The following MB21D2 variants were observed in gnomAD, a reference collection of about 807,000 sequenced individuals.
The protein encoded by MB21D2 is Mab-21 domain containing 2.
Under a neutral mutation model 33.3 loss-of-function variants are expected in MB21D2, and 9 were observed. That is an observed-to-expected ratio of 0.27 (90% CI 0.16 to 0.47). The LOEUF is 0.47. MB21D2 is among the 20% of genes least tolerant of loss of function. The pLI, the probability that MB21D2 is intolerant of heterozygous loss-of-function variation, is 0.99. For synonymous variants in MB21D2, 241 were observed against 236.3 expected (o/e 1.02, Z -0.18); for missense variants, 540 against 624.6 (o/e 0.86, Z 1.44).
rs35712980 is a variant in MB21D2 at position 192,834,421 on chromosome 3, CAAA to C, written c.212-34774_212-34772del. Among the ~76,000 whole-genome samples the C allele has an allele frequency of 4.0e-3, 509 of 127,076 alleles. 3 individuals are homozygous for C. Among genetic ancestry groups the C allele is most frequent in the Middle Eastern group, 8.3e-3 (2 of 240 alleles). 83.4% of individuals were successfully genotyped at this position (127,076 alleles called of 152,430 possible). ...AGGAAGTAATTTTCCCCAGTTATAT[CAAA>C]AAAAAAAAAAAAAAAGAAGAAGAAA... On this transcript the variant is annotated intron_variant, in intron 1 of 1. Transcript: ENST00000392452.
intron 1 of MB21D2, among the ~76,000 whole-genome samples, chr3:192,846,379 G>C (rs569528416): frequency 6.6e-6 from 1 of 152,216 alleles, no homozygotes; most frequent in South Asian, 2.1e-4. Flanking sequence ...TTATTTCAAT[G>C]AATCTTCATA....
chr3:192,916,095 G>GTT (rs997873626), intron 1 of MB21D2, among the ~76,000 whole-genome samples: 5 of 102,576 alleles, frequency 4.9e-5, no homozygotes, highest in African/African-American at 2.0e-4. Context: ...CTCCTACCAG[G>GTT]TTTTATATAT....
intron 1 of MB21D2, among the ~76,000 whole-genome samples, chr3:192,820,512 C>T (rs556062371): frequency 1.3e-4 from 20 of 152,360 alleles, no homozygotes; most frequent in African/African-American, 4.8e-4. Context: ...CAGCCAGTCT[C>T]TGGGCAATGA....
At chr3:192,862,757 G>T (rs756271802) in intron 1 of MB21D2, among the ~76,000 whole-genome samples, 1 of 152,174 alleles carries the variant, frequency 6.6e-6, no homozygotes, top group South Asian at 2.1e-4. Context: ...TGGCTGCTGC[G>T]GTCCATTTGG....
chr3:192,850,483 G>C (rs1712775534), intron 1 of MB21D2, among the ~76,000 whole-genome samples: 1 of 152,250 alleles, frequency 6.6e-6, no homozygotes, highest in South Asian at 2.1e-4. Flanking sequence ...GTCATTCATC[G>C]CATGTGTGGT....
intron 1 of MB21D2, among the ~76,000 whole-genome samples, chr3:192,813,701 T>C (rs1711843480): frequency 6.6e-6 from 1 of 152,132 alleles, no homozygotes; most frequent in Admixed American, 6.5e-5. Flanking sequence ...TCCACCTAGT[T>C]CTCCGGCCTA....
At chr3:192,908,970 A>G (rs1242071045) in intron 1 of MB21D2, among the ~76,000 whole-genome samples, 1 of 151,842 alleles carries the variant, frequency 6.6e-6, no homozygotes, top group African/African-American at 2.4e-5. Flanking sequence ...AAAATACAAA[A>G]TGCGGCCGGG....
chr3:192,875,993 G>A (rs948611085), intron 1 of MB21D2, among the ~76,000 whole-genome samples: 4 of 152,106 alleles, frequency 2.6e-5, no homozygotes, highest in African/African-American at 7.2e-5. Flanking sequence ...ATGTACCTAT[G>A]TGCCCCTAAG....
intron 1 of MB21D2, among the ~76,000 whole-genome samples, chr3:192,908,936 A>T (rs567233611): frequency 2.4e-4 from 36 of 152,254 alleles, no homozygotes; most frequent in African/African-American, 7.2e-4. Context: ...AACATCACAC[A>T]GGATTTCCAA....
intron 1 of MB21D2, among the ~76,000 whole-genome samples, chr3:192,892,220 C>T (rs1194640536): frequency 6.6e-6 from 1 of 152,232 alleles, no homozygotes; most frequent in Non-Finnish European, 1.5e-5. Context: ...CTTCAGCTCC[C>T]AACGTGCTTT....
chr3:192,809,421 A>T (rs756321436), intron 1 of MB21D2, among the ~76,000 whole-genome samples: 5 of 152,150 alleles, frequency 3.3e-5, no homozygotes, highest in Non-Finnish European at 7.4e-5. Context: ...CAGATAAGGA[A>T]ATTAAGAAAA....
At chr3:192,911,386 T>C (rs773659854) in intron 1 of MB21D2, among the ~76,000 whole-genome samples, 1 of 152,186 alleles carries the variant, frequency 6.6e-6, no homozygotes, top group Non-Finnish European at 1.5e-5. Context: ...CACTATTACT[T>C]TCCAGGAGCA....
intron 1 of MB21D2, among the ~76,000 whole-genome samples, chr3:192,879,200 A>C (rs1345668083): frequency 6.6e-6 from 1 of 152,230 alleles, no homozygotes; most frequent in Non-Finnish European, 1.5e-5. Flanking sequence ...GGCTAGAAGG[A>C]AAGCTCAAAA....
At chr3:192,903,105 CAG>C (rs1454679247) in intron 1 of MB21D2, among the ~76,000 whole-genome samples, 1 of 152,204 alleles carries the variant, frequency 6.6e-6, no homozygotes, top group South Asian at 2.1e-4. Flanking sequence ...GGCTTTGTAA[CAG>C]GGGAAATTTT....
chr3:192,853,018 A>ATC (rs982907193), intron 1 of MB21D2, among the ~76,000 whole-genome samples: 1 of 132,668 alleles, frequency 7.5e-6, no homozygotes, highest in Non-Finnish European at 1.6e-5. Context: ...GTTTTCAGTT[A>ATC]TCTCTCTCTG....
rs527897846 is a variant in MB21D2 at position 192,882,929 on chromosome 3, T to C, written c.211+34701A>G. On this transcript the variant is annotated intron_variant, in intron 1 of 1. Coordinates refer to ENST00000392452, the MANE Select transcript of MB21D2 (RefSeq NM_178496.4). ...TGCATTTTTAGTAGAGATGGGGCTT[T>C]GCCATGTTGGCCAGGCTGGTCTCGA... Among the ~76,000 whole-genome samples the C allele has an allele frequency of 7.8e-4, 118 of 151,966 alleles. 1 individual carries two copies. The highest frequency in any genetic ancestry group is 2.6e-3 in the African/African-American group (109 of 41,366).
intron 1 of MB21D2, among the ~76,000 whole-genome samples, chr3:192,836,316 T>C (rs1197261803): frequency 2.6e-5 from 4 of 152,286 alleles, no homozygotes; most frequent in Non-Finnish European, 4.4e-5. Context: ...CCCCAAGCCA[T>C]TGCGTCACCC....
Position 192,798,036 on chromosome 3 carries a change from T to C in MB21D2, c.*350A>G, listed in dbSNP as rs541797877. ...GTTAAGCATCAGAAAGAGATTTGTTTCCCCATACCCATGAACAAATTTGCA... is the reference window on the plus strand; with the variant it reads ...GTTAAGCATCAGAAAGAGATTTGTTCCCCCATACCCATGAACAAATTTGCA... On this transcript the variant is annotated 3_prime_UTR_variant, in exon 2 of 2. Coordinates refer to ENST00000392452, the MANE Select transcript of MB21D2 (RefSeq NM_178496.4). The surrounding 1 kb of genome is among the most constrained non-coding windows in gnomAD (Gnocchi z 4.8). The C allele has an allele frequency of 1.9e-4, 35 of 186,498 alleles. No homozygotes were observed. The highest frequency in any genetic ancestry group is 8.0e-4 in the African/African-American group (34 of 42,538). 11.6% of individuals were successfully genotyped at this position (186,498 alleles called of 1,614,324 possible).
intron 1 of MB21D2, among the ~76,000 whole-genome samples, chr3:192,823,347 G>A (rs912845934): frequency 2.0e-5 from 3 of 152,052 alleles, no homozygotes; most frequent in African/African-American, 7.2e-5. Flanking sequence ...GCGTCTACTC[G>A]CTGCTTCACA....
Sources: gnomAD v4.1 joint callset for allele counts (sites outside exome capture counted in the v4.1 genomes callset) on GRCh38, gnomAD v4.1.1 for gene constraint, Gnocchi (gnomAD v3.1) non-coding constraint, MANE v1.5 for transcripts, NCBI Gene and HGNC (gene_info 2026-07-23, HGNC 2026-07-21) for gene names.